Variants in TTC39A observed in about 807,000 individuals in gnomAD.
TTC39A encodes the protein tetratricopeptide repeat domain 39A, also known as tetratricopeptide repeat protein 39A.
TTC39A carries 46 observed loss-of-function variants against 82.3 expected under a neutral mutation model. The observed-to-expected ratio is 0.56, with a 90% confidence interval of 0.44 to 0.71. The LOEUF (loss-of-function observed/expected upper bound fraction) is 0.71. Ranked by LOEUF, TTC39A falls within the 30% of genes least tolerant of loss-of-function variation. The pLI, the probability that TTC39A is intolerant of heterozygous loss-of-function variation, is 0.00. For missense variants in TTC39A, 543 were observed against 712.9 expected, an observed-to-expected ratio of 0.76 and a Z score of 2.71; for synonymous variants, 254 against 275.2, an observed-to-expected ratio of 0.92 and a Z score of 0.76.
intron 3 of TTC39A, among the ~76,000 whole-genome samples, chr1:51,312,457 T>A (rs1445228532): frequency 2.6e-5 from 4 of 152,154 alleles, no homozygotes; most frequent in African/African-American, 9.7e-5. Context: ...CAGCTCCTGG[T>A]CAACCCGCTT....
upstream of TTC39A, chr1:51,331,743 A>C: frequency 1.0e-6 from 1 of 985,458 alleles, no homozygotes; most frequent in South Asian, 4.7e-5. Context: ...TCTCATATAC[A>C]GGCACGAAAA....
chr1:51,302,945 A>C, intron 9 of TTC39A, 139 bp downstream of exon 9: 1 of 759,846 alleles, frequency 1.3e-6, no homozygotes, highest in South Asian at 1.8e-5. Context: ...AGTCCCCAGG[A>C]CAGTGGATGT....
At chr1:51,301,797 G>A (rs777272378) in intron 11 of TTC39A, 64 bp from the exon 12 acceptor site, 18 of 1,490,614 alleles carry the variant, frequency 1.2e-5, no homozygotes, top group East Asian at 2.6e-5. Context: ...TGCATCCTCC[G>A]AACCTCCCAA....
intron 6 of TTC39A, among the ~76,000 whole-genome samples, chr1:51,306,859 C>G (rs929441513): frequency 9.3e-6 from 1 of 107,408 alleles, no homozygotes; most frequent in Admixed American, 1.0e-4. Context: ...ACAGACCCCC[C>G]CCCCCCGCCC....
intron 12 of TTC39A, chr1:51,296,674 G>A (rs72694106): frequency 0.015 from 2,984 of 195,620 alleles, 26 homozygotes; most frequent in Middle Eastern, 0.031. Flanking sequence ...GGCCTGGGTC[G>A]GGTCAGCTCG....
At chr1:51,322,019 G>T in intron 1 of TTC39A, 194 bp from the exon 2 acceptor site, 1 of 1,469,880 alleles carries the variant, frequency 6.8e-7, no homozygotes, top group Non-Finnish European at 9.2e-7. Flanking sequence ...TCCCAAGGGT[G>T]GGAGGGGGAG....
upstream of TTC39A, among the ~76,000 whole-genome samples, chr1:51,333,419 T>G (rs927284851): frequency 6.6e-6 from 1 of 152,246 alleles, no homozygotes; most frequent in Non-Finnish European, 1.5e-5. Context: ...ATAGTCAGCC[T>G]GTATAAAATT....
upstream of TTC39A, chr1:51,330,864 C>T (rs113236254): frequency 3.6e-4 from 201 of 560,448 alleles, no homozygotes; most frequent in Non-Finnish European, 5.1e-4. This position sits in a 1 kb window ranked among gnomAD's most constrained non-coding sequence, Gnocchi z 4.5. Context: ...CACTTCTCCT[C>T]CCCACAGCTT....
chr1:51,288,426 G>C lies in TTC39A; in HGVS notation c.1611-146C>G. 1 of 1,361,432 alleles carries C rather than the reference G, an allele frequency of 7.3e-7. No homozygotes were observed. The highest frequency in any genetic ancestry group is 9.9e-7 in the Non-Finnish European group (1 of 1,006,750). 84.3% of individuals were successfully genotyped at this position (1,361,432 alleles called of 1,614,324 possible). A position where few individuals can be genotyped will look rare whatever the true frequency, so the allele number is the denominator to read the frequency against. On this transcript the variant is annotated intron_variant, in intron 17 of 17. Coordinates refer to ENST00000680483, the MANE Select transcript of TTC39A (RefSeq NM_001297663.2). This position sits in a 1 kb window ranked among gnomAD's most constrained non-coding sequence, Gnocchi z 4.8. ...AGAGAGAGTTGAGCCCTACCCAATG[G>C]GAGAGTTAACCAGAAGGGTTTGTGG...
chr1:51,340,541 C>G (rs1646021827), intron 1 of TTC39A, among the ~76,000 whole-genome samples: 1 of 152,220 alleles, frequency 6.6e-6, no homozygotes, highest in African/African-American at 2.4e-5. Context: ...TTCTCCTCCC[C>G]TCCTCTCCAG....
At chr1:51,331,522 G>A (rs1160127153), upstream of TTC39A, 23 of 985,320 alleles carry the variant, frequency 2.3e-5, no homozygotes, top group Non-Finnish European at 2.8e-5. Flanking sequence ...CCTCCAGGAC[G>A]TCAGAAGAGG....
upstream of TTC39A, among the ~76,000 whole-genome samples, chr1:51,336,134 C>T (rs1570024778): frequency 1.3e-5 from 2 of 152,066 alleles, no homozygotes; most frequent in Non-Finnish European, 2.9e-5. Flanking sequence ...TTCCTTAAAG[C>T]GAGTGAGCCC....
rs1460675409 is a variant in TTC39A, at chr1:51,322,237, A to AAGGCCTCCTCCCTCCCCC, written c.42-430_42-413dup. 3 of 1,496,952 alleles carry AAGGCCTCCTCCCTCCCCC rather than the reference A, an allele frequency of 2.0e-6. No homozygotes were observed. The African/African-American group carries it at 4.2e-5, about 21-fold the overall frequency. The allele number at this position is 1,496,952 out of a possible 1,614,324, so 92.7% of individuals were successfully genotyped here. Reference sequence around the variant, plus strand: ...GCCCCTTTTTCCCTCCTCCTTCTCCAAGGCCTCCTCCCTCCCCCAGGCCTG... The same window carrying AAGGCCTCCTCCCTCCCCC: ...GCCCCTTTTTCCCTCCTCCTTCTCCAAGGCCTCCTCCCTCCCCCAGGCCTCCTCCCTCCCCCAGGCCTG... On this transcript the variant is annotated intron_variant, in intron 1 of 17. Transcript: ENST00000680483.
At chr1:51,293,577 C>T (rs1364480761) in intron 14 of TTC39A, among the ~76,000 whole-genome samples, 1 of 152,192 alleles carries the variant, frequency 6.6e-6, no homozygotes, top group East Asian at 1.9e-4. Context: ...CGACCTAAAG[C>T]TACTCAGTTA....
chr1:51,330,583 C>T, upstream of TTC39A: 1 of 980,996 alleles, frequency 1.0e-6, no homozygotes. The surrounding 1 kb of genome is among the most constrained non-coding windows in gnomAD (Gnocchi z 4.5). Context: ...ACGCGGCGGC[C>T]GGGGAGGGGC....
At chr1:51,313,401 T>C (rs893273743) in intron 2 of TTC39A, among the ~76,000 whole-genome samples, 1 of 152,104 alleles carries the variant, frequency 6.6e-6, no homozygotes, top group Non-Finnish European at 1.5e-5. Context: ...CTCACTTCCC[T>C]GGACCTCCTC....
upstream of TTC39A, chr1:51,331,549 C>G (rs1030592453): frequency 3.0e-5 from 30 of 985,292 alleles, no homozygotes; most frequent in African/African-American, 5.1e-4. Context: ...AAGGGGACAG[C>G]CTGCAGAAGC....
chr1:51,295,610 G>A (rs890286345), intron 13 of TTC39A: 1 of 170,608 alleles, frequency 5.9e-6, no homozygotes, highest in African/African-American at 2.4e-5. Flanking sequence ...GGAGGTTGTT[G>A]TTCCCATTTT....
chr1:51,288,959 C>A lies in TTC39A; in HGVS notation c.1494-4G>T, dbSNP rs1160038644. On this transcript the variant is annotated splice_polypyrimidine_tract_variant and splice_region_variant and intron_variant, in intron 16 of 17. Coordinates refer to ENST00000680483, the MANE Select transcript of TTC39A (RefSeq NM_001297663.2). The surrounding 1 kb of genome is among the most constrained non-coding windows in gnomAD (Gnocchi z 4.8). The stretch of plus-strand genomic sequence containing the variant: ...GTCATATTTAATCTTCTTTTCACTG[C>A]AGAACAGAGGACATGGCTCAGGTTC... 6.3e-7 allele frequency: 1 copy of A among 1,588,366 alleles called. No homozygotes were observed. The highest frequency in any genetic ancestry group is 8.6e-7 in the Non-Finnish European group (1 of 1,166,530).
Sources: gnomAD v4.1 joint callset for allele counts (sites outside exome capture counted in the v4.1 genomes callset) on GRCh38, gnomAD v4.1.1 for gene constraint, Gnocchi (gnomAD v3.1) non-coding constraint, MANE v1.5 for transcripts, NCBI Gene and HGNC (gene_info 2026-07-23, HGNC 2026-07-21) for gene names.